The following SLC25A21 variants were observed in gnomAD, a reference collection of about 807,000 sequenced individuals.
SLC25A21 encodes solute carrier family 25 member 21, also known as mitochondrial 2-oxodicarboxylate carrier.
In SLC25A21, 47 loss-of-function variants were observed where a neutral mutation model predicts 43.8. The observed-to-expected ratio is 1.07, with a 90% CI of 0.85 to 1.37. The LOEUF is 1.37. SLC25A21 is among the 40% of genes most tolerant of loss of function. The pLI is 0.00. For synonymous variants in SLC25A21, 131 were observed against 121.3 expected (o/e 1.08, Z -0.52); for missense variants, 352 against 350.2 (o/e 1.00, Z -0.04).
intron 1 of SLC25A21, among the ~76,000 whole-genome samples, chr14:37,063,265 C>T (rs1365083127): frequency 6.6e-6 from 1 of 151,890 alleles, no homozygotes; most frequent in Non-Finnish European, 1.5e-5. Flanking sequence ...TTTGGGAGGC[C>T]GAGATGGGTG....
chr14:36,900,914 G>T (rs1339723524), intron 1 of SLC25A21, among the ~76,000 whole-genome samples: 1 of 152,166 alleles, frequency 6.6e-6, no homozygotes, highest in African/African-American at 2.4e-5. Flanking sequence ...AACTTTGGCT[G>T]CATGTTACAA....
chr14:36,709,127 C>A (rs1383985815), intron 7 of SLC25A21, among the ~76,000 whole-genome samples: 1 of 152,132 alleles, frequency 6.6e-6, no homozygotes, highest in African/African-American at 2.4e-5. Context: ...CCTGCCTCAG[C>A]CTCCCGAGTA....
intron 1 of SLC25A21, among the ~76,000 whole-genome samples, chr14:37,084,061 G>A (rs1466514005): frequency 6.6e-6 from 1 of 152,160 alleles, no homozygotes; most frequent in East Asian, 1.9e-4. Context: ...CTGTCACGAT[G>A]TAATTATTAA....
chr14:36,795,077 A>G (rs1466488842), intron 3 of SLC25A21, among the ~76,000 whole-genome samples: 1 of 152,220 alleles, frequency 6.6e-6, no homozygotes, highest in Non-Finnish European at 1.5e-5. Context: ...CACCCTAATA[A>G]GAGTATAGAC....
At chr14:36,748,327 C>T (rs184268995) in intron 3 of SLC25A21, among the ~76,000 whole-genome samples, 11 of 152,310 alleles carry the variant, frequency 7.2e-5, no homozygotes, top group Admixed American at 6.5e-4. Context: ...TTTTGAGGAA[C>T]GGCTGAGCCA....
At position 36,896,314 on chromosome 14, in the gene SLC25A21, T is replaced by C. The variant is rs550548964; in HGVS notation, c.71-21310A>G. ...ATGTAATGGCCTTCTTTGTCTCTTT[T>C]GATCTTTGTTGGTTTAAAGTCTGTT... On this transcript the variant is annotated intron_variant, in intron 1 of 9. Transcript: ENST00000331299. Among the ~76,000 whole-genome samples the C allele has an allele frequency of 1.1e-4, 16 of 152,346 alleles. No homozygotes were observed. In the South Asian group the frequency reaches 3.3e-3, roughly 32 times the overall value.
At chr14:37,024,455 T>C (rs141958715) in intron 1 of SLC25A21, among the ~76,000 whole-genome samples, 16 of 152,130 alleles carry the variant, frequency 1.1e-4, no homozygotes, top group Middle Eastern at 3.4e-3. Context: ...GAATCTTCTT[T>C]ATATACCAAC....
intron 6 of SLC25A21, among the ~76,000 whole-genome samples, chr14:36,716,713 T>A (rs1231373168): frequency 6.6e-6 from 1 of 152,124 alleles, no homozygotes; most frequent in Admixed American, 6.6e-5. Flanking sequence ...AGTTCTTCCA[T>A]CTGACTACTG....
intron 7 of SLC25A21, among the ~76,000 whole-genome samples, chr14:36,697,968 G>A (rs1883109753): frequency 6.8e-6 from 1 of 147,496 alleles, no homozygotes. Flanking sequence ...GATGTTAGCT[G>A]GCTACTTTGC....
intron 1 of SLC25A21, among the ~76,000 whole-genome samples, chr14:36,889,744 G>T (rs900610108): frequency 6.6e-6 from 1 of 151,980 alleles, no homozygotes; most frequent in African/African-American, 2.4e-5. Context: ...TCCCACCTCA[G>T]CCTCCCAAAG....
rs1002798773 is a variant in SLC25A21 at position 36,679,670 on chromosome 14, T to A, written c.*988A>T. ...TACTGCAGACAGCTGACTTCCCACC[T>A]GAAGTTGTCGTTTAAAACTAATAAC... On this transcript the variant is annotated 3_prime_UTR_variant, in exon 10 of 10. Transcript: ENST00000331299. 9 of 985,290 alleles carry A rather than the reference T, an allele frequency of 9.1e-6. No individual in the cohort carries two copies. The highest frequency in any genetic ancestry group is 1.1e-5 in the Non-Finnish European group (9 of 829,896). The allele number at this position is 985,290 out of a possible 1,614,324, so 61.0% of individuals were successfully genotyped here.
intron 2 of SLC25A21, among the ~76,000 whole-genome samples, chr14:36,844,932 C>T (rs1474291796): frequency 6.6e-6 from 1 of 152,092 alleles, no homozygotes; most frequent in African/African-American, 2.4e-5. Flanking sequence ...AAGCCAGAGG[C>T]GTACATGAAA....
chr14:36,783,518 T>C (rs115971723), intron 3 of SLC25A21, among the ~76,000 whole-genome samples: 57 of 152,174 alleles, frequency 3.7e-4, no homozygotes, highest in African/African-American at 1.2e-3. Context: ...AAGAAAGAGG[T>C]TGGCCTCCTT....
chr14:36,721,917 T>C (rs1358788960), intron 6 of SLC25A21, among the ~76,000 whole-genome samples: 2 of 152,248 alleles, frequency 1.3e-5, no homozygotes, highest in East Asian at 3.8e-4. Flanking sequence ...AGACAAAACA[T>C]GAATGCATTC....
At chr14:37,105,283 G>A (rs1455212320) in intron 1 of SLC25A21, among the ~76,000 whole-genome samples, 1 of 152,220 alleles carries the variant, frequency 6.6e-6, no homozygotes, top group African/African-American at 2.4e-5. Context: ...GAAAGTGTTA[G>A]ATTTGAAGTC....
intron 1 of SLC25A21, among the ~76,000 whole-genome samples, chr14:37,138,472 A>G (rs149480268): frequency 5.9e-5 from 9 of 152,276 alleles, no homozygotes; most frequent in Non-Finnish European, 8.8e-5. Context: ...GTTTTCTTCA[A>G]TTAAAATCTC....
chr14:36,905,373 G>C lies in SLC25A21; in HGVS notation c.71-30369C>G, dbSNP rs140149164. ...AGGGCCAACTTTCTCAATGCATATTGAATCAATATTCCTGCTATGAAACTG... is the reference window on the plus strand; with the variant it reads ...AGGGCCAACTTTCTCAATGCATATTCAATCAATATTCCTGCTATGAAACTG... On this transcript the variant is annotated intron_variant, in intron 1 of 9. Coordinates refer to ENST00000331299, the MANE Select transcript of SLC25A21 (RefSeq NM_030631.4). 6.8e-4 allele frequency among the ~76,000 whole-genome samples: 103 copies of C among 152,242 alleles called. No homozygotes were observed. In the East Asian group the frequency reaches 0.018, roughly 27 times the overall value.
intron 1 of SLC25A21, among the ~76,000 whole-genome samples, chr14:36,983,521 G>A (rs1018251562): frequency 6.6e-6 from 1 of 152,202 alleles, no homozygotes; most frequent in African/African-American, 2.4e-5. Context: ...AAAAGAGAAT[G>A]CTTACACAAT....
At chr14:37,032,595 C>T (rs539740636) in intron 1 of SLC25A21, among the ~76,000 whole-genome samples, 3 of 140,156 alleles carry the variant, frequency 2.1e-5, no homozygotes, top group South Asian at 4.5e-4. Context: ...TGCTTGAACC[C>T]GGGAGGTGGA....
Sources: allele counts gnomAD v4.1 joint callset (sites outside exome capture counted in the v4.1 genomes callset), GRCh38; gene constraint gnomAD v4.1.1; transcripts MANE v1.5; gene names NCBI Gene and HGNC (gene_info 2026-07-23, HGNC 2026-07-21).